Variants in COPS4 observed in about 807,000 individuals in gnomAD.
COPS4 encodes COP9 signalosome subunit 4.
Under a neutral mutation model 55.1 loss-of-function variants are expected in COPS4, and 8 were observed. That is an observed-to-expected ratio of 0.15 (90% CI 0.09 to 0.26). The LOEUF is 0.26. COPS4 is among the 10% of genes least tolerant of loss of function. COPS4 has a pLI of 1.00. For missense variants in COPS4, 248 were observed against 484.0 expected (o/e 0.51, Z 4.58); for synonymous variants, 185 against 165.7 (o/e 1.12, Z -0.90).
At chr4:83,072,261 C>T (rs540586979) in intron 9 of COPS4, among the ~76,000 whole-genome samples, 4 of 151,768 alleles carry the variant, frequency 2.6e-5, no homozygotes, top group East Asian at 3.9e-4. Flanking sequence ...CCACCATGCC[C>T]GGCTAATTTT....
chr4:83,046,858 CT>C (rs1187608361), intron 2 of COPS4, among the ~76,000 whole-genome samples: 1 of 152,076 alleles, frequency 6.6e-6, no homozygotes, highest in Non-Finnish European at 1.5e-5. Context: ...GATTGAGTAA[CT>C]TTTTTTCAAG....
At chr4:83,068,918 C>T (rs897974704) in intron 9 of COPS4, among the ~76,000 whole-genome samples, 2 of 150,698 alleles carry the variant, frequency 1.3e-5, no homozygotes, top group African/African-American at 4.9e-5. Context: ...TGCAGTGAGC[C>T]GAAATTGCAG....
Position 83,075,651 on chromosome 4 carries a change from T to G in COPS4, c.*221T>G. The G allele has an allele frequency of 2.5e-6, 1 of 403,456 alleles. No homozygotes were observed. Among genetic ancestry groups the G allele is most frequent in the Non-Finnish European group, 4.2e-6 (1 of 235,412 alleles). 25.0% of individuals were successfully genotyped at this position (403,456 alleles called of 1,614,324 possible). A position where few individuals can be genotyped will look rare whatever the true frequency, so the allele number is the denominator to read the frequency against. On this transcript the variant is annotated 3_prime_UTR_variant, in exon 10 of 10. Coordinates refer to ENST00000264389, the MANE Select transcript of COPS4 (RefSeq NM_016129.3). ...GTGTATTAAGCTAACTCAGATGTTTTGAAAGCTTTTTCTTTAAACAGAGGT... is the reference window on the plus strand; with the variant it reads ...GTGTATTAAGCTAACTCAGATGTTTGGAAAGCTTTTTCTTTAAACAGAGGT...
chr4:83,043,583 A>G (rs1405583865), intron 1 of COPS4, among the ~76,000 whole-genome samples: 1 of 151,354 alleles, frequency 6.6e-6, no homozygotes, highest in African/African-American at 2.4e-5. Context: ...TTAATTAGCA[A>G]ATTTATATAA....
intron 2 of COPS4, among the ~76,000 whole-genome samples, chr4:83,047,401 G>A (rs1350743621): frequency 1.3e-5 from 2 of 149,952 alleles, no homozygotes; most frequent in Non-Finnish European, 1.5e-5. Context: ...AAAAAAATAC[G>A]AAAATTAGCC....
chr4:83,037,636 T>C (rs1191213928), intron 1 of COPS4, among the ~76,000 whole-genome samples: 3 of 152,196 alleles, frequency 2.0e-5, no homozygotes, highest in Middle Eastern at 3.2e-3. Context: ...CCTTGAAATA[T>C]ATCAGTGTGT....
intron 1 of COPS4, among the ~76,000 whole-genome samples, chr4:83,040,412 G>C (rs1482493444): frequency 6.6e-6 from 1 of 152,174 alleles, no homozygotes; most frequent in Non-Finnish European, 1.5e-5. Flanking sequence ...CAAGGCTTCA[G>C]AATTTTTTTG....
chr4:83,049,097 T>A, intron 2 of COPS4, 69 bp from the exon 3 acceptor site: 1 of 1,435,146 alleles, frequency 7.0e-7, no homozygotes, highest in Non-Finnish European at 9.5e-7. Context: ...TAATTTTAAG[T>A]AAAGGTTGAT....
chr4:83,052,211 G>C (rs963988599), intron 4 of COPS4, among the ~76,000 whole-genome samples: 2 of 152,198 alleles, frequency 1.3e-5, no homozygotes, highest in African/African-American at 4.8e-5. Context: ...CAGGGTAGAC[G>C]ATGACAGCAG....
At chr4:83,041,354 C>A (rs1417276646) in intron 1 of COPS4, among the ~76,000 whole-genome samples, 1 of 151,984 alleles carries the variant, frequency 6.6e-6, no homozygotes, top group Non-Finnish European at 1.5e-5. Context: ...TGAGCCACTG[C>A]GCCCGGCCAA....
At chr4:83,049,144 C>CTTTTT in intron 2 of COPS4, 22 bp from the exon 3 acceptor site, 1 of 1,287,312 alleles carries the variant, frequency 7.8e-7, no homozygotes, top group Non-Finnish European at 1.1e-6. Flanking sequence ...GTTTTCTTAT[C>CTTTTT]TTTTTTTTTT....
At chr4:83,072,865 CT>C (rs202184586) in intron 9 of COPS4, among the ~76,000 whole-genome samples, 5 of 151,074 alleles carry the variant, frequency 3.3e-5, no homozygotes, top group Non-Finnish European at 5.9e-5. Flanking sequence ...CTTCCCACTC[CT>C]TTTTTTTTGT....
At chr4:83,062,733 T>A (rs557601267) in intron 6 of COPS4, among the ~76,000 whole-genome samples, 4 of 152,330 alleles carry the variant, frequency 2.6e-5, no homozygotes, top group African/African-American at 9.6e-5. Context: ...AAGTATGATT[T>A]ATAGTGTTGG....
intron 7 of COPS4, among the ~76,000 whole-genome samples, chr4:83,064,320 G>C (rs1731244561): frequency 6.7e-6 from 1 of 150,076 alleles, no homozygotes; most frequent in South Asian, 2.2e-4. Flanking sequence ...TTCAGTGACA[G>C]TGTAAGACCT....
intron 9 of COPS4, chr4:83,073,298 C>T: frequency 1.4e-6 from 1 of 698,510 alleles, no homozygotes; most frequent in South Asian, 1.5e-5. Flanking sequence ...GACATGTGAC[C>T]TTTTGGCTGA....
At chr4:83,056,364 A>G (rs958422628) in intron 4 of COPS4, among the ~76,000 whole-genome samples, 6 of 152,336 alleles carry the variant, frequency 3.9e-5, no homozygotes, top group Admixed American at 3.9e-4. Flanking sequence ...CATATATGAT[A>G]TACCCCTAAA....
chr4:83,066,269 A>G (rs1340462250), intron 7 of COPS4, among the ~76,000 whole-genome samples, 169 bp from the exon 8 acceptor site: 4 of 152,226 alleles, frequency 2.6e-5, no homozygotes, highest in Non-Finnish European at 4.4e-5. Flanking sequence ...ATTTTTATTT[A>G]ATTGTACATT....
At chr4:83,041,781 G>A (rs1730574092) in intron 1 of COPS4, among the ~76,000 whole-genome samples, 1 of 151,100 alleles carries the variant, frequency 6.6e-6, no homozygotes, top group Non-Finnish European at 1.5e-5. Flanking sequence ...TCTCTTTTGA[G>A]TTAATATATT....
At chr4:83,039,281 T>C (rs1730501462) in intron 1 of COPS4, among the ~76,000 whole-genome samples, 1 of 152,174 alleles carries the variant, frequency 6.6e-6, no homozygotes, top group South Asian at 2.1e-4. Flanking sequence ...TTGACTGGGC[T>C]ACATATCTCA....
Sources: allele counts gnomAD v4.1 joint callset (sites outside exome capture counted in the v4.1 genomes callset), GRCh38; gene constraint gnomAD v4.1.1; transcripts MANE v1.5; gene names NCBI Gene and HGNC (gene_info 2026-07-23, HGNC 2026-07-21).